Variants in IL1RAPL2 observed in about 807,000 individuals in gnomAD.
IL1RAPL2 encodes the protein X-linked interleukin-1 receptor accessory protein-like 2.
A neutral mutation model predicts 44.1 loss-of-function variants in IL1RAPL2; 3 were observed. The observed-to-expected ratio is 0.07, with a 90% CI of 0.03 to 0.18. The LOEUF is 0.18. Among genes scored for constraint, IL1RAPL2 ranks in the 10% least tolerant of loss-of-function variants. The probability of loss-of-function intolerance (pLI) is 1.00; values close to 1 mark genes in which losing one functional copy is unlikely to be tolerated. For missense variants in IL1RAPL2, 391 were observed against 496.4 expected (o/e 0.79, Z 2.02); for synonymous variants, 181 against 178.8 (o/e 1.01, Z -0.10).
At chrX:104,777,579 T>TTA (rs1932739673) in intron 2 of IL1RAPL2, among the ~76,000 whole-genome samples, 1 of 101,719 alleles carries the variant, frequency 9.8e-6, no homozygotes, top group Admixed American at 1.1e-4. Flanking sequence ...ATTATTATTA[T>TTA]TATTATTATT....
chrX:105,399,991 G>T (rs2035595599), intron 5 of IL1RAPL2, among the ~76,000 whole-genome samples: 2 of 111,146 alleles, frequency 1.8e-5, no homozygotes, highest in Non-Finnish European at 1.9e-5. Flanking sequence ...GAAATCAAAA[G>T]AAAATATTCT....
At chrX:104,610,021 A>T (rs1272214433) in intron 1 of IL1RAPL2, among the ~76,000 whole-genome samples, 1 of 111,702 alleles carries the variant, frequency 9.0e-6, no homozygotes, top group Non-Finnish European at 1.9e-5. Context: ...TTGGTGACCT[A>T]CGGATGGAGT....
At chrX:105,632,029 T>G (rs1352394324) in intron 6 of IL1RAPL2, among the ~76,000 whole-genome samples, 1 of 110,416 alleles carries the variant, frequency 9.1e-6, no homozygotes, top group East Asian at 2.9e-4. Context: ...CTTCCCTTAC[T>G]CTCCCCAGTC....
chrX:105,036,377 C>G (rs967671391), intron 2 of IL1RAPL2, among the ~76,000 whole-genome samples: 2 of 111,301 alleles, frequency 1.8e-5, no homozygotes, highest in African/African-American at 6.5e-5. Context: ...AATTTTTGGC[C>G]ACATCTTGGC....
intron 2 of IL1RAPL2, among the ~76,000 whole-genome samples, chrX:104,674,292 A>G (rs1930690340): frequency 9.0e-6 from 1 of 111,582 alleles, no homozygotes. Flanking sequence ...TAATTTCTTG[A>G]GAGTTTTTAG....
intron 5 of IL1RAPL2, among the ~76,000 whole-genome samples, chrX:105,444,370 G>C (rs181340921): frequency 1.8e-5 from 2 of 110,886 alleles, no homozygotes; most frequent in African/African-American, 6.5e-5. Context: ...GTTCATTTTT[G>C]CGTTGGTTCC....
intron 6 of IL1RAPL2, among the ~76,000 whole-genome samples, chrX:105,659,186 C>A (rs1394340878): frequency 9.1e-6 from 1 of 109,618 alleles, no homozygotes; most frequent in Non-Finnish European, 1.9e-5. Context: ...CAACACCACC[C>A]GGGAACACAT....
chrX:105,713,288 C>G (rs965952771), intron 6 of IL1RAPL2, among the ~76,000 whole-genome samples: 4 of 111,612 alleles, frequency 3.6e-5, no homozygotes, highest in African/African-American at 1.3e-4. Flanking sequence ...CAGAGGTTCT[C>G]CATGAGGGTT....
chrX:105,658,014 A>T (rs1010388209), intron 6 of IL1RAPL2, among the ~76,000 whole-genome samples: 3 of 111,432 alleles, frequency 2.7e-5, no homozygotes, highest in African/African-American at 9.8e-5. Flanking sequence ...ACTTAAATAG[A>T]TCACATTCTG....
intron 2 of IL1RAPL2, among the ~76,000 whole-genome samples, chrX:105,103,925 A>C (rs1026242528): frequency 3.6e-5 from 4 of 112,175 alleles, no homozygotes; most frequent in African/African-American, 1.3e-4. Context: ...TATTTTGTAT[A>C]AGGCAGTTTT....
intron 2 of IL1RAPL2, among the ~76,000 whole-genome samples, chrX:105,024,611 C>T (rs758980437): frequency 1.3e-4 from 14 of 111,274 alleles, no homozygotes; most frequent in Non-Finnish European, 2.7e-4. Flanking sequence ...GTGGCAGTCT[C>T]TGAAATATTT....
intron 2 of IL1RAPL2, among the ~76,000 whole-genome samples, chrX:105,166,941 TAAAC>T (rs1017301592): frequency 9.8e-5 from 11 of 112,407 alleles, no homozygotes; most frequent in Non-Finnish European, 1.3e-4. Flanking sequence ...AATAAAAACT[TAAAC>T]TAACTACAAG....
chrX:105,034,275 G>A (rs750949493), intron 2 of IL1RAPL2, among the ~76,000 whole-genome samples: 61 of 112,249 alleles, frequency 5.4e-4, no homozygotes, highest in South Asian at 2.6e-3. Flanking sequence ...GAGGAGCTGC[G>A]TTCCTTTGGA....
intron 2 of IL1RAPL2, among the ~76,000 whole-genome samples, chrX:105,073,290 C>A (rs746394557): frequency 1.1e-5 from 1 of 95,088 alleles, no homozygotes; most frequent in Non-Finnish European, 2.1e-5. Flanking sequence ...TGAGAACATG[C>A]GGTGTTTGGT....
intron 5 of IL1RAPL2, among the ~76,000 whole-genome samples, chrX:105,464,980 A>C (rs1358224356): frequency 8.9e-6 from 1 of 111,923 alleles, no homozygotes; most frequent in Non-Finnish European, 1.9e-5. Context: ...ACATGGGGAG[A>C]ATGTGTAAAC....
intron 3 of IL1RAPL2, among the ~76,000 whole-genome samples, chrX:105,226,374 C>G (rs782367897): frequency 2.1e-5 from 1 of 47,781 alleles, no homozygotes; most frequent in African/African-American, 6.3e-5. Context: ...CTTTGCCATT[C>G]TTTCTTTTCC....
chrX:104,695,888 A>T lies in IL1RAPL2; in HGVS notation c.82+36893A>T, dbSNP rs756247442. On this transcript the variant is annotated intron_variant, in intron 2 of 10. Coordinates refer to ENST00000372582, the MANE Select transcript of IL1RAPL2 (RefSeq NM_017416.2). ...AATGGCCTGATCTCAGATTACTGCA[A>T]CCACTGTCTCCCGGGTTCAAATGAT... Among the ~76,000 whole-genome samples, 6 of 111,258 alleles carry T rather than the reference A, an allele frequency of 5.4e-5. No individual in the cohort carries two copies. In the East Asian group the frequency reaches 1.7e-3, roughly 32 times the overall value.
At chrX:105,448,435 C>G (rs2035992465) in intron 5 of IL1RAPL2, among the ~76,000 whole-genome samples, 1 of 107,981 alleles carries the variant, frequency 9.3e-6, no homozygotes, top group South Asian at 4.0e-4. Context: ...TGCAATCTTG[C>G]CTTACTGCAA....
At chrX:105,217,022 C>A (rs2033865495) in intron 3 of IL1RAPL2, among the ~76,000 whole-genome samples, 1 of 108,404 alleles carries the variant, frequency 9.2e-6, no homozygotes, top group Non-Finnish European at 1.9e-5. Flanking sequence ...CTAGGCAATA[C>A]CATTCAGGAC....
Sources: gnomAD v4.1 joint callset for allele counts (sites outside exome capture counted in the v4.1 genomes callset) on GRCh38, gnomAD v4.1.1 for gene constraint, MANE v1.5 for transcripts, NCBI Gene and HGNC (gene_info 2026-07-23, HGNC 2026-07-21) for gene names.